The following GOLGA1 variants were observed in gnomAD, a reference collection of about 807,000 sequenced individuals.
GOLGA1 encodes the protein golgin subfamily A member 1.
In GOLGA1, 63 loss-of-function variants were observed where a neutral mutation model predicts 119.7. That is an observed-to-expected ratio of 0.53 (90% CI 0.43 to 0.65). The LOEUF is 0.65. Ranked by LOEUF, GOLGA1 falls within the 30% of genes least tolerant of loss-of-function variation. GOLGA1 has a pLI of 0.00. For synonymous variants in GOLGA1, 318 were observed against 333.4 expected, an observed-to-expected ratio of 0.95 and a Z score of 0.50; for missense variants, 798 against 912.8, an observed-to-expected ratio of 0.87 and a Z score of 1.62.
intron 4 of GOLGA1, among the ~76,000 whole-genome samples, chr9:124,930,050 C>A (rs1830745112): frequency 6.6e-6 from 1 of 152,114 alleles, no homozygotes; most frequent in African/African-American, 2.4e-5. Context: ...GCCTTAAGTG[C>A]TTTGCACACA....
At chr9:124,912,488 G>A (rs1177578393) in intron 10 of GOLGA1, among the ~76,000 whole-genome samples, 2 of 152,190 alleles carry the variant, frequency 1.3e-5, no homozygotes, top group Admixed American at 6.5e-5. Flanking sequence ...CAGCAGAGCT[G>A]CCATGCTTCT....
chr9:124,883,427 A>G (rs1829636395), intron 19 of GOLGA1, among the ~76,000 whole-genome samples: 1 of 151,892 alleles, frequency 6.6e-6, no homozygotes, highest in African/African-American at 2.4e-5. Flanking sequence ...CTGGGATTAC[A>G]GTTGTGTGCC....
intron 7 of GOLGA1, among the ~76,000 whole-genome samples, chr9:124,924,802 T>A (rs1204437128): frequency 6.6e-6 from 1 of 151,314 alleles, no homozygotes; most frequent in Non-Finnish European, 1.5e-5. Flanking sequence ...TCTAGAAAAT[T>A]TCCCCAACCT....
intron 6 of GOLGA1, 119 bp from the exon 7 acceptor site, chr9:124,926,860 A>G (rs1588092494): frequency 3.4e-6 from 2 of 586,062 alleles, no homozygotes; most frequent in Non-Finnish European, 6.1e-6. Flanking sequence ...CAAAACAAAA[A>G]AGCCAATTAA....
At chr9:124,924,619 G>A (rs1447545521) in intron 7 of GOLGA1, among the ~76,000 whole-genome samples, 40 of 132,520 alleles carry the variant, frequency 3.0e-4, no homozygotes, top group Admixed American at 5.0e-4. Context: ...CCTGGGCATC[G>A]TGGTGAGACC....
chr9:124,897,015 GC>G (rs1420273249), intron 15 of GOLGA1, among the ~76,000 whole-genome samples: 1 of 152,080 alleles, frequency 6.6e-6, no homozygotes, highest in Non-Finnish European at 1.5e-5. Context: ...CTCTCCCCTG[GC>G]CACTAGCTGC....
At chr9:124,931,217 A>G in intron 4 of GOLGA1, 99 bp downstream of exon 4, 1 of 692,550 alleles carries the variant, frequency 1.4e-6, no homozygotes, top group South Asian at 1.6e-5. Context: ...ATGATATGTG[A>G]AAATAACTAT....
chr9:124,900,108 C>G (rs577876722), intron 13 of GOLGA1: 1 of 219,626 alleles, frequency 4.6e-6, no homozygotes, highest in Non-Finnish European at 9.1e-6. Context: ...ACAGGCCATC[C>G]TCCCCAGAGT....
At chr9:124,924,475 C>CA (rs563628189) in intron 7 of GOLGA1, among the ~76,000 whole-genome samples, 13 of 150,760 alleles carry the variant, frequency 8.6e-5, no homozygotes, top group Non-Finnish European at 1.6e-4. Flanking sequence ...ATAAAAAATA[C>CA]AAAAAAATTA....
At chr9:124,939,550 C>CTTTTTTTTTTTTT (rs3051147) in intron 2 of GOLGA1, among the ~76,000 whole-genome samples, 8 of 81,858 alleles carry the variant, frequency 9.8e-5, no homozygotes, top group South Asian at 3.8e-4. Context: ...TTCTTTCTTT[C>CTTTTTTTTTTTTT]TTTTTTTTTT....
At chr9:124,895,055 T>TCCACAACAGAGAACCAC in intron 15 of GOLGA1, among the ~76,000 whole-genome samples, 1 of 132,800 alleles carries the variant, frequency 7.5e-6, no homozygotes, top group Non-Finnish European at 1.6e-5. Context: ...CAAAGAACCA[T>TCCACAACAGAGAACCAC]CCACAACAGA....
intron 10 of GOLGA1, among the ~76,000 whole-genome samples, chr9:124,918,503 G>A: frequency 6.6e-6 from 1 of 152,178 alleles, no homozygotes; most frequent in East Asian, 1.9e-4. Flanking sequence ...GTGGCCAGGT[G>A]CCTGTAATCC....
At chr9:124,880,742 G>T in intron 22 of GOLGA1, 132 bp from the exon 23 acceptor site, 2 of 646,742 alleles carry the variant, frequency 3.1e-6, no homozygotes, top group Non-Finnish European at 5.7e-6. Context: ...TCTGAGCAGA[G>T]CAAGAAGATG....
chr9:124,929,095 T>C (rs971909731), intron 5 of GOLGA1, 121 bp downstream of exon 5: 1 of 682,836 alleles, frequency 1.5e-6, no homozygotes, highest in African/African-American at 1.8e-5. Context: ...GATTAAGAAG[T>C]ACACTACTTA....
chr9:124,894,536 A>G (rs75760899), intron 15 of GOLGA1, among the ~76,000 whole-genome samples: 2,633 of 152,118 alleles, frequency 0.017, 73 homozygotes, highest in African/African-American at 0.06. Flanking sequence ...TTCCTAATTT[A>G]TATGTCTACT....
chr9:124,895,512 A>C (rs965276514), intron 15 of GOLGA1, among the ~76,000 whole-genome samples: 2 of 136,840 alleles, frequency 1.5e-5, no homozygotes, highest in Non-Finnish European at 3.2e-5. Context: ...CACAACAGAG[A>C]CCCTCCACAA....
At chr9:124,921,494 A>G (rs987023804) in intron 9 of GOLGA1, among the ~76,000 whole-genome samples, 9 of 152,078 alleles carry the variant, frequency 5.9e-5, no homozygotes, top group Admixed American at 5.2e-4. Context: ...CTAAAACCAC[A>G]CTGAATTGTT....
intron 22 of GOLGA1, among the ~76,000 whole-genome samples, 158 bp from the exon 23 acceptor site, chr9:124,880,768 C>G (rs1184534743): frequency 2.6e-5 from 4 of 152,150 alleles, no homozygotes; most frequent in Admixed American, 2.6e-4. Context: ...AGTAACCAGT[C>G]TGCAGGCCCG....
intron 12 of GOLGA1, among the ~76,000 whole-genome samples, chr9:124,906,074 T>C (rs560482567): frequency 3.7e-4 from 56 of 150,834 alleles, no homozygotes; most frequent in Admixed American, 4.0e-4. Flanking sequence ...GATGGCACTA[T>C]TGCACTCTAG....
Sources: gnomAD v4.1 joint callset for allele counts (sites outside exome capture counted in the v4.1 genomes callset) on GRCh38, gnomAD v4.1.1 for gene constraint, MANE v1.5 for transcripts, NCBI Gene and HGNC (gene_info 2026-07-23, HGNC 2026-07-21) for gene names.